DYM: variants seen among roughly 807,000 people sequenced by gnomAD.
DYM encodes dyggve-Melchior-Clausen syndrome protein.
In DYM, 78 loss-of-function variants were observed where a neutral mutation model predicts 93.1. The ratio of observed to expected loss-of-function variants is 0.84; its 90% CI spans 0.70 to 1.01. DYM has a LOEUF of 1.01. Ranked by LOEUF, DYM falls within the 50% of genes least tolerant of loss-of-function variation. DYM has a pLI of 0.00. For missense variants in DYM, 789 were observed against 845.0 expected, an observed-to-expected ratio of 0.93 and a Z score of 0.82; for synonymous variants, 321 against 319.7, an observed-to-expected ratio of 1.00 and a Z score of -0.04.
chr18:49,192,899 G>C (rs1222077374), intron 14 of DYM, among the ~76,000 whole-genome samples: 1 of 152,160 alleles, frequency 6.6e-6, no homozygotes, highest in Admixed American at 6.5e-5. Flanking sequence ...CAGCGGCCAA[G>C]GGGGTAGCGG....
At chr18:49,057,498 C>T (rs1241340685) in intron 17 of DYM, among the ~76,000 whole-genome samples, 3 of 152,216 alleles carry the variant, frequency 2.0e-5, no homozygotes, top group Admixed American at 6.5e-5. Context: ...TTCCCACTTG[C>T]CCCATATGTT....
chr18:49,313,698 A>G (rs931958557), intron 8 of DYM, among the ~76,000 whole-genome samples: 7 of 152,068 alleles, frequency 4.6e-5, no homozygotes, highest in Admixed American at 1.3e-4. Context: ...ACTTGCTTTC[A>G]CTTTACTGTA....
intron 1 of DYM, among the ~76,000 whole-genome samples, chr18:49,458,613 A>T (rs939178913): frequency 5.3e-5 from 8 of 152,086 alleles, no homozygotes; most frequent in African/African-American, 1.2e-4. Flanking sequence ...GAGGTGGGTG[A>T]AATGCCTGAA....
intron 14 of DYM, among the ~76,000 whole-genome samples, chr18:49,179,315 TG>T (rs2089693915): frequency 6.6e-6 from 1 of 152,164 alleles, no homozygotes; most frequent in Admixed American, 6.6e-5. Context: ...TAAGGAGATT[TG>T]ACCAATATTC....
At chr18:49,310,129 G>A (rs1436466293) in intron 8 of DYM, among the ~76,000 whole-genome samples, 1 of 152,316 alleles carries the variant, frequency 6.6e-6, no homozygotes, top group Admixed American at 6.5e-5. Context: ...AGTGCTTTGG[G>A]TAGACACGTC....
intron 15 of DYM, among the ~76,000 whole-genome samples, chr18:49,157,067 G>A (rs1400438699): frequency 6.6e-6 from 1 of 152,104 alleles, no homozygotes; most frequent in Non-Finnish European, 1.5e-5. Flanking sequence ...GGACATGCCT[G>A]ACCTTGGGAA....
intron 13 of DYM, among the ~76,000 whole-genome samples, chr18:49,253,771 A>G (rs949056206): frequency 4.6e-5 from 7 of 152,226 alleles, no homozygotes; most frequent in Non-Finnish European, 1.0e-4. Flanking sequence ...AGGTGACTCA[A>G]GAAATTTACC....
intron 5 of DYM, among the ~76,000 whole-genome samples, chr18:49,376,032 T>A (rs181750308): frequency 6.6e-6 from 1 of 152,302 alleles, no homozygotes; most frequent in Admixed American, 6.5e-5. Flanking sequence ...CTGTCAGCCC[T>A]ACTTTTGAGG....
intron 17 of DYM, among the ~76,000 whole-genome samples, chr18:49,060,147 T>C (rs1279536532): frequency 6.6e-6 from 1 of 152,138 alleles, no homozygotes; most frequent in Non-Finnish European, 1.5e-5. Context: ...GAAAGTACAA[T>C]GCAATAATTG....
rs530219915 is a variant in DYM, at chr18:49,455,421, G to A, written c.-54+4977C>T. On this transcript the variant is annotated intron_variant, in intron 1 of 17. Transcript: ENST00000675505. ...GATATCCAAGTCGAGAAATCTAAAG[G>A]AAGAGAATGAAAAACAACTAATAGT... 4.6e-5 allele frequency among the ~76,000 whole-genome samples: 7 copies of A among 152,196 alleles called. No individual in the cohort carries two copies. In the South Asian group the frequency reaches 1.2e-3, roughly 27 times the overall value.
At chr18:49,088,144 CT>C (rs1178986789) in intron 17 of DYM, among the ~76,000 whole-genome samples, 1 of 152,100 alleles carries the variant, frequency 6.6e-6, no homozygotes, top group Non-Finnish European at 1.5e-5. Context: ...TCAATTTTGG[CT>C]TTTGTTGCCA....
chr18:49,125,295 A>G (rs895075878), intron 15 of DYM, among the ~76,000 whole-genome samples: 2 of 152,192 alleles, frequency 1.3e-5, no homozygotes, highest in Admixed American at 6.5e-5. Context: ...TAAAATTTCA[A>G]TATAAAGAAT....
intron 2 of DYM, among the ~76,000 whole-genome samples, chr18:49,394,193 A>G (rs2069749565): frequency 6.6e-6 from 1 of 152,216 alleles, no homozygotes; most frequent in African/African-American, 2.4e-5. Flanking sequence ...CAGTTCAACT[A>G]CTTACTAGAT....
At chr18:49,157,227 T>C (rs757520651) in intron 15 of DYM, among the ~76,000 whole-genome samples, 7 of 152,172 alleles carry the variant, frequency 4.6e-5, no homozygotes, top group Non-Finnish European at 1.0e-4. Flanking sequence ...GACTGCTGGC[T>C]GTTGTGATCT....
At position 49,254,281 on chromosome 18, in the gene DYM, C is replaced by CATATAT. The variant is rs3084549; in HGVS notation, c.1460+2723_1460+2728dup. On this transcript the variant is annotated intron_variant, in intron 13 of 17. Transcript: ENST00000675505. ...TCTGCTGTATAAAAGATCCTTGTATCATATATATATATATATATATATATA... is the reference window on the plus strand; with the variant it reads ...TCTGCTGTATAAAAGATCCTTGTATCATATATATATATATATATATATATATATATA... Among the ~76,000 whole-genome samples, 257 of 136,382 alleles carry CATATAT rather than the reference C, an allele frequency of 1.9e-3. 2 individuals are homozygous for CATATAT. Among genetic ancestry groups the CATATAT allele is most frequent in the East Asian group, 8.4e-3 (34 of 4,048 alleles). 89.5% of individuals were successfully genotyped at this position (136,382 alleles called of 152,430 possible). A position where few individuals can be genotyped will look rare whatever the true frequency, so the allele number is the denominator to read the frequency against.
chr18:49,217,147 G>T (rs536973094), intron 13 of DYM, among the ~76,000 whole-genome samples: 1 of 152,164 alleles, frequency 6.6e-6, no homozygotes, highest in Non-Finnish European at 1.5e-5. Context: ...TGGAAGAAAG[G>T]GTATCAGTGA....
intron 16 of DYM, 130 bp from the exon 17 acceptor site, chr18:49,097,645 C>A: frequency 1.2e-6 from 1 of 825,974 alleles, no homozygotes; most frequent in South Asian, 1.5e-5. Flanking sequence ...AATTCACTAG[C>A]CCTCCTAAAC....
chr18:49,142,382 A>G (rs1207099127), intron 15 of DYM, among the ~76,000 whole-genome samples: 2 of 152,230 alleles, frequency 1.3e-5, no homozygotes, highest in Non-Finnish European at 2.9e-5. Flanking sequence ...TCAAATCCAG[A>G]TATTTCTAAT....
chr18:49,146,050 C>T (rs536644371), intron 15 of DYM, among the ~76,000 whole-genome samples: 85 of 152,268 alleles, frequency 5.6e-4, no homozygotes, highest in Admixed American at 1.6e-3. Flanking sequence ...CTAATTGCCT[C>T]CTTTTCTTCC....
Sources: allele counts gnomAD v4.1 joint callset (sites outside exome capture counted in the v4.1 genomes callset), GRCh38; gene constraint gnomAD v4.1.1; transcripts MANE v1.5; gene names NCBI Gene and HGNC (gene_info 2026-07-23, HGNC 2026-07-21).